The following TDRD9 variants were observed in gnomAD, a reference collection of about 807,000 sequenced individuals.
TDRD9 encodes the protein ATP-dependent RNA helicase TDRD9.
In TDRD9, 124 loss-of-function variants were observed where a neutral mutation model predicts 172.6. That is an observed-to-expected ratio of 0.72 (90% CI 0.62 to 0.83). The LOEUF (loss-of-function observed/expected upper bound fraction) is 0.83. Among genes scored for constraint, TDRD9 ranks in the 40% least tolerant of loss-of-function variants. The probability of loss-of-function intolerance (pLI) is 0.00; values close to 1 mark genes in which losing one functional copy is unlikely to be tolerated. For missense variants in TDRD9, 1,479 were observed against 1,714.1 expected (o/e 0.86, Z 2.42); for synonymous variants, 619 against 617.1 (o/e 1.00, Z -0.05).
chr14:103,938,204 G>A (rs2030896519), intron 1 of TDRD9, among the ~76,000 whole-genome samples: 1 of 151,968 alleles, frequency 6.6e-6, no homozygotes, highest in Non-Finnish European at 1.5e-5. Context: ...GGGCTGGCTA[G>A]TAATGCTACC....
intron 1 of TDRD9, among the ~76,000 whole-genome samples, chr14:103,931,982 ATTGCAAGGGACTGAGT>A (rs1436864901): frequency 2.6e-5 from 4 of 152,264 alleles, no homozygotes; most frequent in African/African-American, 9.6e-5. Context: ...CAGTCCTACA[ATTGCAAGGGACTGAGT>A]TTGCAAGGGA....
intron 32 of TDRD9, among the ~76,000 whole-genome samples, chr14:104,039,061 G>A (rs373958612): frequency 2.6e-5 from 4 of 152,150 alleles, no homozygotes; most frequent in African/African-American, 7.2e-5. Context: ...AGTTCTGCAC[G>A]ACTAGGGAGG....
intron 32 of TDRD9, among the ~76,000 whole-genome samples, chr14:104,038,217 T>C (rs2152261189): frequency 6.6e-6 from 1 of 152,256 alleles, no homozygotes; most frequent in East Asian, 1.9e-4. Flanking sequence ...GGGGGATCTT[T>C]AAACAACAAC....
chr14:103,989,838 A>C (rs1425489708), intron 8 of TDRD9, among the ~76,000 whole-genome samples: 2 of 152,238 alleles, frequency 1.3e-5, no homozygotes, highest in Non-Finnish European at 2.9e-5. Context: ...GGACTGGAGA[A>C]GGAGGCTGGG....
intron 6 of TDRD9, among the ~76,000 whole-genome samples, chr14:103,970,986 T>G (rs117407811): frequency 6.6e-5 from 10 of 152,240 alleles, no homozygotes; most frequent in African/African-American, 1.9e-4. Context: ...GAGGGCTGAC[T>G]GTATTTTTTT....
At chr14:103,961,185 T>C (rs986113904) in intron 2 of TDRD9, among the ~76,000 whole-genome samples, 1 of 152,152 alleles carries the variant, frequency 6.6e-6, no homozygotes, top group African/African-American at 2.4e-5. Flanking sequence ...GTAATTACCA[T>C]AGCACTGAGA....
chr14:103,952,214 ATATATATTTTTTTTTTTTTTTTT>A (rs2031945742), intron 1 of TDRD9, among the ~76,000 whole-genome samples: 4 of 57,396 alleles, frequency 7.0e-5, no homozygotes, highest in African/African-American at 2.7e-4. Context: ...ATATATATAT[ATATATATTTTTTTTTTTTTTTTT>A]TTTTTTTTTT....
chr14:103,946,302 G>A (rs1412683590), intron 1 of TDRD9, among the ~76,000 whole-genome samples: 1 of 152,114 alleles, frequency 6.6e-6, no homozygotes, highest in African/African-American at 2.4e-5. Flanking sequence ...TGAATTAAAA[G>A]TTCTGGGTTA....
intron 13 of TDRD9, 124 bp from the exon 14 acceptor site, chr14:104,004,112 CAT>C (rs1314600386): frequency 4.2e-6 from 2 of 479,798 alleles, no homozygotes; most frequent in Non-Finnish European, 7.7e-6. Context: ...TTTTTACTGA[CAT>C]AGTCTGGTGG....
chr14:103,959,243 C>T (rs1245980415), intron 2 of TDRD9, among the ~76,000 whole-genome samples: 2 of 151,994 alleles, frequency 1.3e-5, no homozygotes, highest in Non-Finnish European at 2.9e-5. Flanking sequence ...GGGAGGAGGC[C>T]ACAGGAGGCA....
intron 6 of TDRD9, among the ~76,000 whole-genome samples, chr14:103,973,756 A>C (rs554791133): frequency 1.1e-4 from 16 of 152,310 alleles, no homozygotes; most frequent in Non-Finnish European, 2.2e-4. Flanking sequence ...TTCCACTCCA[A>C]GTGGCTTCTG....
intron 2 of TDRD9, among the ~76,000 whole-genome samples, chr14:103,956,105 AAAAAAAATATATAT>A (rs1331434382): frequency 5.1e-5 from 2 of 39,560 alleles, no homozygotes; most frequent in Non-Finnish European, 8.7e-5. Flanking sequence ...AAAAAAAAAA[AAAAAAAATATATAT>A]ATATATATAT....
At chr14:104,004,162 C>T (rs1306752734) in intron 13 of TDRD9, 76 bp from the exon 14 acceptor site, 23 of 655,858 alleles carry the variant, frequency 3.5e-5, no homozygotes, top group Non-Finnish European at 6.3e-5. Context: ...TATTTAATGA[C>T]TGTTTAAAAA....
At chr14:104,007,688 C>T (rs570181558) in intron 19 of TDRD9, among the ~76,000 whole-genome samples, 1 of 146,306 alleles carries the variant, frequency 6.8e-6, no homozygotes, top group African/African-American at 2.5e-5. Context: ...TTATTTGGTT[C>T]AACAGACTGT....
At chr14:103,956,144 A>ATATATATATATATATATATATATG (rs1178934138) in intron 2 of TDRD9, among the ~76,000 whole-genome samples, 2 of 80,866 alleles carry the variant, frequency 2.5e-5, no homozygotes, top group African/African-American at 8.9e-5. Context: ...ATATATATAT[A>ATATATATATATATATATATATATG]TATATAATTA....
chr14:103,998,445 A>G (rs2034134151), intron 12 of TDRD9, among the ~76,000 whole-genome samples, 179 bp from the exon 13 acceptor site: 1 of 152,140 alleles, frequency 6.6e-6, no homozygotes, highest in African/African-American at 2.4e-5. Flanking sequence ...GCAAGAAAGG[A>G]TGGGACCAGC....
chr14:103,987,630 C>T (rs1419523306), intron 8 of TDRD9, among the ~76,000 whole-genome samples: 2 of 151,862 alleles, frequency 1.3e-5, no homozygotes, highest in Non-Finnish European at 2.9e-5. Context: ...TATATTTTTT[C>T]TGTTCTTTTA....
At chr14:103,955,222 G>A (rs1456008633) in intron 1 of TDRD9, among the ~76,000 whole-genome samples, 1 of 152,126 alleles carries the variant, frequency 6.6e-6, no homozygotes, top group African/African-American at 2.4e-5. Context: ...ACCATGCCTG[G>A]CTGTTTTAAG....
At chr14:103,989,067 A>AT (rs775358184) in intron 8 of TDRD9, among the ~76,000 whole-genome samples, 90 of 119,132 alleles carry the variant, frequency 7.6e-4, no homozygotes, top group Non-Finnish European at 1.2e-3. Flanking sequence ...AGATACTCTC[A>AT]TTTTTTTATC....
Sources: allele counts gnomAD v4.1 joint callset (sites outside exome capture counted in the v4.1 genomes callset), GRCh38; gene constraint gnomAD v4.1.1; transcripts MANE v1.5; gene names NCBI Gene and HGNC (gene_info 2026-07-23, HGNC 2026-07-21).